Variants in DNAH6 observed in about 807,000 individuals in gnomAD.
The protein encoded by DNAH6 is dynein axonemal heavy chain 6.
Under a neutral mutation model 491.4 loss-of-function variants are expected in DNAH6, and 340 were observed. The ratio of observed to expected loss-of-function variants is 0.69; its 90% CI spans 0.63 to 0.76. DNAH6 has a LOEUF of 0.76. Among genes scored for constraint, DNAH6 ranks in the 30% least tolerant of loss-of-function variants. DNAH6 has a pLI of 0.00. For missense variants in DNAH6, 4,443 were observed against 4,972.2 expected (o/e 0.89, Z 3.20); for synonymous variants, 1,603 against 1,686.1 (o/e 0.95, Z 1.21).
At position 84,547,533 on chromosome 2, in the gene DNAH6, T is replaced by C. The variant is rs1678898967; in HGVS notation, c.1107T>C (p.Tyr369=). Residue 369 remains tyrosine (Y), a synonymous_variant, in exon 7 of 77, where the codon TAT becomes TAC. Coordinates refer to ENST00000389394, the MANE Select transcript of DNAH6 (RefSeq NM_001370.2). The part of the protein sequence containing the change: ...RLGEFRNEAK[Y]VVRRACRFAL... ...GAGAATTTCGAAATGAGGCAAAATA[T>C]GTAGTCAGGAGGGCTTGTCGATTTG... is the stretch of plus-strand genomic sequence containing the variant. 1 of 1,551,732 alleles carries C rather than the reference T, an allele frequency of 6.4e-7. No individual in the cohort carries two copies. The highest frequency in any genetic ancestry group is 1.4e-5 in the African/African-American group (1 of 73,152).
At chr2:84,783,561 T>G (rs1041608024) in intron 65 of DNAH6, among the ~76,000 whole-genome samples, 3 of 152,218 alleles carry the variant, frequency 2.0e-5, no homozygotes, top group Non-Finnish European at 4.4e-5. Context: ...GAACTAACTT[T>G]TAATTTGGGC....
In DNAH6 at chr2:84,528,985, G is replaced by A; in HGVS notation, c.481G>A (p.Gly161Arg). The change falls in exon 4 of 77, where the codon GGG (glycine) becomes AGG (arginine). Residue 161 changes from glycine (G) to arginine (R), a missense_variant. Gly to Arg is a moderately radical substitution (Grantham distance 125). This residue lies in a region of DNAH6 where 2,977 missense variants were observed against 3,296.6 expected (regional missense o/e 0.90). Transcript: ENST00000389394. ...TGGTATTGGAAAAAGAGGTCTCTTTGGGACTAGATCTTCAGCTTACCCTAA... is the reference window on the plus strand; with the variant it reads ...TGGTATTGGAAAAAGAGGTCTCTTTAGGACTAGATCTTCAGCTTACCCTAA... ...HTGIGKRGLFGTRSSAYPKYT... is the reference protein window; with the variant it reads ...HTGIGKRGLFRTRSSAYPKYT... The A allele has an allele frequency of 6.5e-7, 1 of 1,550,232 alleles. No homozygotes were observed. Among genetic ancestry groups the A allele is most frequent in the Non-Finnish European group, 8.7e-7 (1 of 1,146,566 alleles).
At chr2:84,764,966 A>G (rs550799989) in intron 64 of DNAH6, among the ~76,000 whole-genome samples, 251 of 152,200 alleles carry the variant, frequency 1.6e-3, no homozygotes, top group African/African-American at 5.9e-3. Context: ...ATAAATTGAT[A>G]TATTCATAAA....
intron 18 of DNAH6, among the ~76,000 whole-genome samples, chr2:84,602,797 G>GTTTTTTTT (rs70949898): frequency 5.7e-5 from 7 of 121,806 alleles, no homozygotes; most frequent in African/African-American, 9.6e-5. Context: ...TGGATGCTCT[G>GTTTTTTTT]TTTTTTTTTT....
At chr2:84,644,248 C>A (rs1312656832) in intron 33 of DNAH6, among the ~76,000 whole-genome samples, 1 of 152,100 alleles carries the variant, frequency 6.6e-6, no homozygotes. Flanking sequence ...GATGTTTCCC[C>A]TCCCCCGGAT....
chr2:84,461,379 A>G, the DNAH6 span, among the ~76,000 whole-genome samples: 2 of 152,336 alleles, frequency 1.3e-5, no homozygotes, highest in African/African-American at 4.8e-5. Flanking sequence ...GCCACAAAAA[A>G]TAGCAGCCCA....
At position 84,605,553 on chromosome 2, in the gene DNAH6, C is replaced by G. The variant is rs369939678; in HGVS notation, c.3135C>G (p.Ser1045=). The G allele has an allele frequency of 2.6e-6, 4 of 1,551,292 alleles. No homozygotes were observed. In the African/African-American group the frequency reaches 5.5e-5, roughly 21 times the overall value. Residue 1045 remains serine, a synonymous_variant, in exon 20 of 77, where the codon TCC becomes TCG. Coordinates refer to ENST00000389394, the MANE Select transcript of DNAH6 (RefSeq NM_001370.2). ...TTGTCATTCTGCCTCACCGTGACTC[C>G]AAAGATGTGTTTATACTGGGCGGCA... ...TEFVILPHRD[S]KDVFILGGTD...
intron 16 of DNAH6, among the ~76,000 whole-genome samples, chr2:84,592,487 G>A (rs1046856471): frequency 2.0e-5 from 3 of 152,200 alleles, no homozygotes; most frequent in African/African-American, 7.2e-5. Flanking sequence ...CCTTTACACT[G>A]TAGATGAGAA....
chr2:84,497,647 G>A, the DNAH6 span, among the ~76,000 whole-genome samples: 2 of 151,968 alleles, frequency 1.3e-5, no homozygotes, highest in Non-Finnish European at 2.9e-5. Flanking sequence ...CTATTGCTAG[G>A]GTGTATTTAA....
intron 13 of DNAH6, among the ~76,000 whole-genome samples, chr2:84,578,368 G>A (rs1682684303): frequency 6.6e-6 from 1 of 152,066 alleles, no homozygotes. Context: ...GAAATACTTG[G>A]ATATGTATTT....
intron 72 of DNAH6, among the ~76,000 whole-genome samples, chr2:84,811,907 G>A (rs1680018534): frequency 6.6e-6 from 1 of 151,576 alleles, no homozygotes; most frequent in Non-Finnish European, 1.5e-5. Context: ...TAACTCTGGG[G>A]TTTGGGGGAA....
chr2:84,762,596 A>T (rs1674695727), intron 63 of DNAH6, among the ~76,000 whole-genome samples, 159 bp from the exon 64 acceptor site: 1 of 152,198 alleles, frequency 6.6e-6, no homozygotes, highest in African/African-American at 2.4e-5. Context: ...TGGTGAACAA[A>T]TCCACCAAAC....
chr2:84,741,154 A>T (rs542867273), intron 62 of DNAH6, among the ~76,000 whole-genome samples: 1 of 152,002 alleles, frequency 6.6e-6, no homozygotes, highest in East Asian at 2.0e-4. Context: ...TGTCCTAGGT[A>T]TATATAGGAG....
At chr2:84,767,439 T>A (rs538223089) in intron 64 of DNAH6, among the ~76,000 whole-genome samples, 211 of 151,944 alleles carry the variant, frequency 1.4e-3, no homozygotes, top group South Asian at 6.0e-3. Context: ...AGTAAGAGGA[T>A]CACCTGAGCC....
chr2:84,659,428 T>A, intron 37 of DNAH6, among the ~76,000 whole-genome samples: 1 of 152,198 alleles, frequency 6.6e-6, no homozygotes, highest in East Asian at 1.9e-4. Context: ...GAATTCTAGT[T>A]AGTAAATTTA....
chr2:84,475,866 A>G, the DNAH6 span, among the ~76,000 whole-genome samples: 1 of 152,136 alleles, frequency 6.6e-6, no homozygotes. Context: ...TTTCCTCTGT[A>G]ACATTTATCC....
At chr2:84,696,505 T>A (rs1314210903) in intron 46 of DNAH6, among the ~76,000 whole-genome samples, 1 of 151,972 alleles carries the variant, frequency 6.6e-6, no homozygotes, top group Non-Finnish European at 1.5e-5. Flanking sequence ...CAAATTAGTT[T>A]ACTTAAAACT....
intron 62 of DNAH6, among the ~76,000 whole-genome samples, chr2:84,736,722 G>A (rs548443739): frequency 6.6e-6 from 1 of 152,116 alleles, no homozygotes; most frequent in South Asian, 2.1e-4. Context: ...TCAGATCTAG[G>A]AGTCTTTTAG....
At chr2:84,721,362 G>A (rs1698136686) in intron 59 of DNAH6, among the ~76,000 whole-genome samples, 1 of 152,114 alleles carries the variant, frequency 6.6e-6, no homozygotes, top group African/African-American at 2.4e-5. Flanking sequence ...TCCCTAAGGG[G>A]TTATTACAGG....
Sources: gnomAD v4.1 joint callset for allele counts (sites outside exome capture counted in the v4.1 genomes callset) on GRCh38, gnomAD v4.1.1 for gene constraint, gnomAD v4.1.1 regional missense constraint, MANE v1.5 for transcripts, NCBI Gene and HGNC (gene_info 2026-07-23, HGNC 2026-07-21) for gene names.